The following GNAQ variants were observed in gnomAD, a reference collection of about 807,000 sequenced individuals.
GNAQ encodes G protein subunit alpha q.
In GNAQ, 8 loss-of-function variants were observed where a neutral mutation model predicts 43.9. The ratio of observed to expected loss-of-function variants is 0.18; its 90% CI spans 0.11 to 0.33. The LOEUF is 0.33. GNAQ is among the 10% of genes least tolerant of loss of function. The probability of loss-of-function intolerance (pLI) is 1.00; values close to 1 mark genes in which losing one functional copy is unlikely to be tolerated. For synonymous variants in GNAQ, 155 were observed against 170.7 expected, an observed-to-expected ratio of 0.91 and a Z score of 0.71; for missense variants, 158 against 450.8, an observed-to-expected ratio of 0.35 and a Z score of 5.88.
intron 1 of GNAQ, among the ~76,000 whole-genome samples, chr9:77,970,472 C>A (rs185802859): frequency 5.6e-4 from 85 of 152,272 alleles, no homozygotes; most frequent in African/African-American, 1.9e-3. Context: ...TAATCAAAAT[C>A]TGGGGTTGAA....
At chr9:77,863,391 A>C (rs1827893098) in intron 2 of GNAQ, among the ~76,000 whole-genome samples, 1 of 152,272 alleles carries the variant, frequency 6.6e-6, no homozygotes, top group Admixed American at 6.5e-5. Context: ...GTTCCCAACA[A>C]GTTCCTCATC....
At chr9:78,013,832 T>G (rs1184934384) in intron 1 of GNAQ, among the ~76,000 whole-genome samples, 1 of 152,162 alleles carries the variant, frequency 6.6e-6, no homozygotes, top group African/African-American at 2.4e-5. Context: ...ATAGCCATAC[T>G]CATTTATTAA....
chr9:77,850,412 C>A (rs1827655462), intron 2 of GNAQ, among the ~76,000 whole-genome samples: 1 of 152,152 alleles, frequency 6.6e-6, no homozygotes, highest in Non-Finnish European at 1.5e-5. Flanking sequence ...TGCCCTGGGT[C>A]TGGGCCTCAT....
chr9:77,794,645 T>A (rs1826630698), intron 4 of GNAQ, 53 bp from the exon 5 acceptor site: 2 of 1,165,254 alleles, frequency 1.7e-6, no homozygotes, highest in Non-Finnish European at 1.2e-6. Context: ...AACTAAAAAG[T>A]CAACATAAAT....
chr9:77,737,132 C>T (rs1825587296), intron 5 of GNAQ, among the ~76,000 whole-genome samples: 1 of 152,182 alleles, frequency 6.6e-6, no homozygotes, highest in African/African-American at 2.4e-5. Context: ...CTTTTCAATT[C>T]ACTGAACTTT....
At chr9:77,746,652 A>G (rs941295680) in intron 5 of GNAQ, among the ~76,000 whole-genome samples, 1 of 152,358 alleles carries the variant, frequency 6.6e-6, no homozygotes, top group East Asian at 1.9e-4. Flanking sequence ...TCAATGAACA[A>G]TATTTACATT....
At chr9:77,940,860 G>T (rs1240117239) in intron 1 of GNAQ, among the ~76,000 whole-genome samples, 1 of 151,566 alleles carries the variant, frequency 6.6e-6, no homozygotes, top group East Asian at 2.0e-4. Flanking sequence ...CCAGCTACTT[G>T]GGAGACTGAG....
intron 2 of GNAQ, among the ~76,000 whole-genome samples, chr9:77,830,271 G>GC (rs1283631557): frequency 2.6e-5 from 4 of 152,014 alleles, no homozygotes; most frequent in Admixed American, 1.3e-4. Context: ...GTTTTCTAAT[G>GC]CCCCCCCAAG....
chr9:77,853,695 G>A (rs543286680), intron 2 of GNAQ, among the ~76,000 whole-genome samples: 5 of 131,998 alleles, frequency 3.8e-5, no homozygotes, highest in Admixed American at 9.1e-5. Flanking sequence ...CATGCTGTAC[G>A]TAATAGAGAA....
chr9:77,972,276 C>T (rs1282931820), intron 1 of GNAQ, among the ~76,000 whole-genome samples: 1 of 152,100 alleles, frequency 6.6e-6, no homozygotes, highest in Non-Finnish European at 1.5e-5. Flanking sequence ...AAATATTCTA[C>T]AAATATTAAT....
chr9:77,902,192 G>A (rs1361701110), intron 2 of GNAQ, among the ~76,000 whole-genome samples: 1 of 152,204 alleles, frequency 6.6e-6, no homozygotes, highest in Non-Finnish European at 1.5e-5. Flanking sequence ...GAAACTTTCA[G>A]AATGTTCTTA....
rs536724620 is a variant in GNAQ at position 77,720,553 on chromosome 9, C to T, written c.*770G>A. ...AAAGAAGGGAGGAAAGACAATGGCA[C>T]GTGGCATTTCAAAAGAAAGGACTCC... On this transcript the variant is annotated 3_prime_UTR_variant, in exon 7 of 7. Coordinates refer to ENST00000286548, the MANE Select transcript of GNAQ (RefSeq NM_002072.5). The T allele has an allele frequency of 7.3e-5, 17 of 233,298 alleles. No homozygotes were observed. The highest frequency in any genetic ancestry group is 6.6e-4 in the East Asian group (11 of 16,544). The allele number at this position is 233,298 out of a possible 1,614,324, so 14.5% of individuals were successfully genotyped here.
intron 1 of GNAQ, among the ~76,000 whole-genome samples, chr9:77,969,595 T>C (rs971935313): frequency 6.6e-6 from 1 of 152,206 alleles, no homozygotes; most frequent in Non-Finnish European, 1.5e-5. Context: ...ATACTATGAA[T>C]TTTACTAATA....
At chr9:77,809,363 A>T (rs1826878414) in intron 3 of GNAQ, among the ~76,000 whole-genome samples, 1 of 152,186 alleles carries the variant, frequency 6.6e-6, no homozygotes, top group Admixed American at 6.5e-5. Context: ...CTATACGCCA[A>T]TGTGATTGAG....
At chr9:77,803,320 T>C (rs918691324) in intron 3 of GNAQ, among the ~76,000 whole-genome samples, 2 of 152,258 alleles carry the variant, frequency 1.3e-5, no homozygotes, top group Admixed American at 6.5e-5. Context: ...CCTGCTATTC[T>C]TTAGGTCCTG....
chr9:77,765,610 AGT>A (rs1826123281), intron 5 of GNAQ, among the ~76,000 whole-genome samples: 1 of 152,246 alleles, frequency 6.6e-6, no homozygotes, highest in Non-Finnish European at 1.5e-5. Context: ...ACAGGAAATA[AGT>A]GTTGGCAAGG....
intron 1 of GNAQ, among the ~76,000 whole-genome samples, chr9:77,947,803 A>T (rs1284368895): frequency 3.9e-5 from 6 of 152,212 alleles, no homozygotes; most frequent in Non-Finnish European, 8.8e-5. Context: ...GGGCCAGATG[A>T]TGCCAAGACT....
chr9:77,823,934 A>T lies in GNAQ; in HGVS notation c.322-8164T>A, dbSNP rs142813559. ...TATTTTATTACATTGATATTATTCA[A>T]GGAAGTGTGCACATTAAAAAATTTT... On this transcript the variant is annotated intron_variant, in intron 2 of 6. Transcript: ENST00000286548. Among the ~76,000 whole-genome samples, 974 of 152,336 alleles carry T rather than the reference A, an allele frequency of 6.4e-3. 9 individuals carry two copies. The highest frequency in any genetic ancestry group is 0.01 in the Non-Finnish European group (701 of 68,028).
chr9:77,930,112 T>C (rs572559183), intron 1 of GNAQ, among the ~76,000 whole-genome samples: 4 of 152,258 alleles, frequency 2.6e-5, no homozygotes, highest in South Asian at 4.1e-4. Flanking sequence ...ATCATAGAAA[T>C]GTGATTAGAC....
Sources: gnomAD v4.1 joint callset for allele counts (sites outside exome capture counted in the v4.1 genomes callset) on GRCh38, gnomAD v4.1.1 for gene constraint, MANE v1.5 for transcripts, NCBI Gene and HGNC (gene_info 2026-07-23, HGNC 2026-07-21) for gene names.